TMCC1: variants seen among roughly 807,000 people sequenced by gnomAD.
TMCC1 encodes transmembrane and coiled-coil domains protein 1.
A neutral mutation model predicts 52.4 loss-of-function variants in TMCC1; 15 were observed. The observed-to-expected ratio is 0.29, with a 90% CI of 0.19 to 0.44. The LOEUF (loss-of-function observed/expected upper bound fraction) is 0.44. TMCC1 is among the 20% of genes least tolerant of loss of function. The pLI is 1.00. For synonymous variants in TMCC1, 279 were observed against 301.9 expected, an observed-to-expected ratio of 0.92 and a Z score of 0.79; for missense variants, 503 against 806.0, an observed-to-expected ratio of 0.62 and a Z score of 4.55.
At chr3:129,708,805 A>C (rs781162782) in intron 4 of TMCC1, among the ~76,000 whole-genome samples, 6 of 152,192 alleles carry the variant, frequency 3.9e-5, no homozygotes, top group Non-Finnish European at 8.8e-5. Flanking sequence ...TCCCCCAAAG[A>C]TATCACAAAA....
intron 4 of TMCC1, among the ~76,000 whole-genome samples, chr3:129,700,789 ATCTCTT>A (rs951580690): frequency 2.0e-5 from 3 of 152,140 alleles, no homozygotes; most frequent in Non-Finnish European, 4.4e-5. Context: ...AAAAAAAAAA[ATCTCTT>A]TATTATACCA....
intron 5 of TMCC1, 112 bp downstream of exon 5, chr3:129,670,218 G>A (rs2087806053): frequency 8.8e-7 from 1 of 1,139,786 alleles, no homozygotes; most frequent in Non-Finnish European, 1.2e-6. Context: ...CATACCGAAA[G>A]TGCTCTGGAC....
intron 5 of TMCC1, among the ~76,000 whole-genome samples, chr3:129,666,907 T>C (rs868429113): frequency 2.6e-5 from 4 of 151,416 alleles, no homozygotes; most frequent in African/African-American, 7.3e-5. Flanking sequence ...CTTTATTTTT[T>C]AATTTTTTTT....
At chr3:129,839,794 A>C (rs2059339619) in intron 2 of TMCC1, among the ~76,000 whole-genome samples, 1 of 152,126 alleles carries the variant, frequency 6.6e-6, no homozygotes, top group Non-Finnish European at 1.5e-5. Context: ...CCGAGGTGAG[A>C]GAATCACTTG....
intron 4 of TMCC1, among the ~76,000 whole-genome samples, chr3:129,710,320 C>T (rs1034413199): frequency 6.6e-6 from 1 of 151,972 alleles, no homozygotes; most frequent in Non-Finnish European, 1.5e-5. Flanking sequence ...TTTATTTTTC[C>T]AAATTTTTAA....
At chr3:129,775,089 C>T (rs991679250) in intron 4 of TMCC1, among the ~76,000 whole-genome samples, 1 of 152,100 alleles carries the variant, frequency 6.6e-6, no homozygotes, top group Non-Finnish European at 1.5e-5. Flanking sequence ...ATACCTGCTA[C>T]TCGAGAATAT....
At chr3:129,838,263 G>A (rs1322815911) in intron 2 of TMCC1, among the ~76,000 whole-genome samples, 1 of 151,884 alleles carries the variant, frequency 6.6e-6, no homozygotes, top group Non-Finnish European at 1.5e-5. Context: ...AAAATCAGCC[G>A]GGAATGATGG....
At chr3:129,709,929 G>A (rs1384389624) in intron 4 of TMCC1, among the ~76,000 whole-genome samples, 1 of 152,126 alleles carries the variant, frequency 6.6e-6, no homozygotes, top group Admixed American at 6.5e-5. Flanking sequence ...GCTCACACCT[G>A]TAATCCCAGC....
intron 4 of TMCC1, among the ~76,000 whole-genome samples, chr3:129,778,674 T>TGGGGG (rs11372839): frequency 3.6e-5 from 5 of 138,742 alleles, no homozygotes; most frequent in East Asian, 4.4e-4. Context: ...TAGATCATGG[T>TGGGGG]GGGGGGGGGG....
At chr3:129,740,730 T>G (rs2051384408) in intron 4 of TMCC1, among the ~76,000 whole-genome samples, 1 of 152,204 alleles carries the variant, frequency 6.6e-6, no homozygotes, top group Non-Finnish European at 1.5e-5. Flanking sequence ...TCTACCTATC[T>G]CTACAAGCTG....
rs999840769 is a variant in TMCC1 at position 129,833,801 on chromosome 3, T to A, written c.-183-975A>T. Among the ~76,000 whole-genome samples, 8 of 152,292 alleles carry A rather than the reference T, an allele frequency of 5.3e-5. No individual in the cohort carries two copies. The East Asian group carries it at 5.8e-4, about 11-fold the overall frequency. On this transcript the variant is annotated intron_variant, in intron 2 of 6. Coordinates refer to ENST00000393238, the MANE Select transcript of TMCC1 (RefSeq NM_001017395.5). ...ATCTTCAGTATTCATTAAATTTTTT[T>A]AAATTACAAACCAGAGCCACCATGT...
chr3:129,792,608 A>G (rs1348144468), intron 4 of TMCC1, among the ~76,000 whole-genome samples: 1 of 152,142 alleles, frequency 6.6e-6, no homozygotes, highest in African/African-American at 2.4e-5. Flanking sequence ...TAACATAACT[A>G]TTCGGTTTCT....
chr3:129,693,344 C>T (rs1013014415), intron 4 of TMCC1, among the ~76,000 whole-genome samples: 6 of 152,048 alleles, frequency 3.9e-5, no homozygotes, highest in African/African-American at 1.4e-4. Context: ...AGGTTCTTTA[C>T]TTGTGAAAGA....
intron 4 of TMCC1, among the ~76,000 whole-genome samples, chr3:129,818,480 AAACTTTTAAAGAAAAGTTTTAAAG>A (rs1203180784): frequency 2.4e-4 from 24 of 100,272 alleles, no homozygotes; most frequent in South Asian, 7.1e-4. Context: ...AGTTTTAAAG[AAACTTTTAAAGAAAAGTTTTAAAG>A]AAACTTTTAA....
chr3:129,714,048 A>T (rs1235215161), intron 4 of TMCC1, among the ~76,000 whole-genome samples: 1 of 152,194 alleles, frequency 6.6e-6, no homozygotes, highest in Non-Finnish European at 1.5e-5. Flanking sequence ...CTGTAAACCC[A>T]ACTGATAATT....
At chr3:129,800,925 A>ATTTACACTAT (rs1553875090) in intron 4 of TMCC1, among the ~76,000 whole-genome samples, 1 of 117,962 alleles carries the variant, frequency 8.5e-6, no homozygotes, top group African/African-American at 3.2e-5. Context: ...ATCTCACACT[A>ATTTACACTAT]TTTTTTTTTT....
chr3:129,703,344 T>A (rs2047982043), intron 4 of TMCC1, among the ~76,000 whole-genome samples: 4 of 152,240 alleles, frequency 2.6e-5, no homozygotes, highest in Admixed American at 1.3e-4. Context: ...AGCATCCAAA[T>A]GGCCAATTTC....
At chr3:129,721,904 G>A (rs1455899546) in intron 4 of TMCC1, among the ~76,000 whole-genome samples, 1 of 151,512 alleles carries the variant, frequency 6.6e-6, no homozygotes, top group African/African-American at 2.4e-5. Flanking sequence ...AACACAAAGC[G>A]TGTGCAATCT....
At chr3:129,764,757 G>GTATATATA (rs869170594) in intron 4 of TMCC1, among the ~76,000 whole-genome samples, 13 of 73,412 alleles carry the variant, frequency 1.8e-4, no homozygotes, top group African/African-American at 1.2e-3. Flanking sequence ...GTGTGTGTGT[G>GTATATATA]TATATATATA....
Sources: allele counts gnomAD v4.1 joint callset (sites outside exome capture counted in the v4.1 genomes callset), GRCh38; gene constraint gnomAD v4.1.1; transcripts MANE v1.5; gene names NCBI Gene and HGNC (gene_info 2026-07-23, HGNC 2026-07-21).